RAD51B: variants seen among roughly 807,000 people sequenced by gnomAD.
RAD51B encodes the protein RAD51 paralog B.
Under a neutral mutation model 42.2 loss-of-function variants are expected in RAD51B, and 38 were observed. The ratio of observed to expected loss-of-function variants is 0.90; its 90% CI spans 0.70 to 1.18. The LOEUF is 1.18. RAD51B is among the 50% of genes most tolerant of loss of function. The pLI is 0.00. For missense variants in RAD51B, 373 were observed against 400.7 expected (o/e 0.93, Z 0.59); for synonymous variants, 154 against 145.2 (o/e 1.06, Z -0.43).
intron 7 of RAD51B, among the ~76,000 whole-genome samples, chr14:68,128,008 A>G (rs2077807681): frequency 6.6e-6 from 1 of 152,240 alleles, no homozygotes; most frequent in Admixed American, 6.5e-5. Flanking sequence ...TGAATGGAAC[A>G]TAAAAATGAA....
At chr14:68,672,189 T>G (rs1463729485) in intron 11 of RAD51B, among the ~76,000 whole-genome samples, 1 of 152,202 alleles carries the variant, frequency 6.6e-6, no homozygotes, top group African/African-American at 2.4e-5. Context: ...CTCCCCATCC[T>G]TCCCTCCTGT....
intron 7 of RAD51B, among the ~76,000 whole-genome samples, chr14:68,245,436 G>C (rs1359072124): frequency 6.6e-6 from 1 of 152,230 alleles, no homozygotes; most frequent in Admixed American, 6.5e-5. Context: ...GGTATGATCT[G>C]CTAGTGTGTG....
At chr14:67,923,161 G>T (rs1252395339) in intron 7 of RAD51B, among the ~76,000 whole-genome samples, 1 of 152,070 alleles carries the variant, frequency 6.6e-6, no homozygotes, top group African/African-American at 2.4e-5. Flanking sequence ...TAGAGTAACG[G>T]TCTCCAGTTC....
intron 7 of RAD51B, among the ~76,000 whole-genome samples, chr14:67,972,404 GACTTTAGAGGCGAC>G (rs2074916332): frequency 6.6e-6 from 1 of 152,078 alleles, no homozygotes; most frequent in South Asian, 2.1e-4. Context: ...GAAGGGCCTA[GACTTTAGAGGCGAC>G]AGGCTTATGG....
In RAD51B at chr14:68,468,278, T is replaced by G. The variant is rs142868205; in HGVS notation, c.1036+28T>G. 6.5e-4 allele frequency: 1,029 copies of G among 1,586,194 alleles called. 9 individuals are homozygous for G. The African/African-American group carries it at 0.013, about 19-fold the overall frequency. On this transcript the variant is annotated intron_variant, in intron 10 of 10. Transcript: ENST00000471583. ...AAGATCCTTGGATTAAGCCATTTCTTTAAGCTTATGCTCAGTGCTGCCCAT... is the reference window on the plus strand; with the variant it reads ...AAGATCCTTGGATTAAGCCATTTCTGTAAGCTTATGCTCAGTGCTGCCCAT...
intron 10 of RAD51B, among the ~76,000 whole-genome samples, chr14:68,623,013 T>C (rs1891989558): frequency 6.6e-6 from 1 of 152,172 alleles, no homozygotes; most frequent in Non-Finnish European, 1.5e-5. Context: ...TAATACTTCC[T>C]GTGCCCAGAT....
At chr14:68,046,864 C>T (rs1014699300) in intron 7 of RAD51B, among the ~76,000 whole-genome samples, 1 of 151,962 alleles carries the variant, frequency 6.6e-6, no homozygotes, top group African/African-American at 2.4e-5. Context: ...AAGGATATTG[C>T]ATTTCAGTGT....
chr14:67,958,882 C>G (rs1001026090), intron 7 of RAD51B, among the ~76,000 whole-genome samples: 2 of 152,196 alleles, frequency 1.3e-5, no homozygotes. Flanking sequence ...GTTCAAGATA[C>G]TACTGATAAG....
At chr14:67,928,436 T>G (rs900789846) in intron 7 of RAD51B, among the ~76,000 whole-genome samples, 3 of 152,078 alleles carry the variant, frequency 2.0e-5, no homozygotes, top group African/African-American at 7.2e-5. Flanking sequence ...GTTAGTTATA[T>G]TAGCAGGCTG....
chr14:68,144,228 T>A (rs2078203209), intron 7 of RAD51B, among the ~76,000 whole-genome samples: 1 of 152,212 alleles, frequency 6.6e-6, no homozygotes, highest in African/African-American at 2.4e-5. Context: ...TAGCCCCAGC[T>A]GTTGGAGAAC....
chr14:68,650,634 T>A, intron 10 of RAD51B: 1 of 596,424 alleles, frequency 1.7e-6, no homozygotes, highest in South Asian at 2.1e-5. Flanking sequence ...AGGCCCATAC[T>A]GTTGTGTTTA....
At chr14:68,245,048 A>C (rs1566755194) in intron 7 of RAD51B, among the ~76,000 whole-genome samples, 1 of 152,336 alleles carries the variant, frequency 6.6e-6, no homozygotes, top group East Asian at 1.9e-4. Context: ...ATTGATACCA[A>C]GGTGAAAACA....
intron 8 of RAD51B, among the ~76,000 whole-genome samples, chr14:68,374,578 G>A (rs910001464): frequency 6.6e-6 from 1 of 151,894 alleles, no homozygotes; most frequent in African/African-American, 2.4e-5. Flanking sequence ...CACCTTTATA[G>A]CCCTAACCAC....
At chr14:68,399,787 T>C (rs1311261763) in intron 8 of RAD51B, among the ~76,000 whole-genome samples, 1 of 152,210 alleles carries the variant, frequency 6.6e-6, no homozygotes, top group African/African-American at 2.4e-5. Context: ...GAAATTAGTA[T>C]TGATACAATA....
At chr14:68,271,727 C>T (rs900410468) in intron 7 of RAD51B, among the ~76,000 whole-genome samples, 2 of 152,184 alleles carry the variant, frequency 1.3e-5, no homozygotes, top group African/African-American at 4.8e-5. Context: ...AGGAGGTAAT[C>T]TCTGCGTAGT....
At chr14:68,028,479 G>T (rs901008780) in intron 7 of RAD51B, among the ~76,000 whole-genome samples, 1 of 152,202 alleles carries the variant, frequency 6.6e-6, no homozygotes, top group African/African-American at 2.4e-5. Flanking sequence ...TGCTCTGTGA[G>T]TATGGGCTCC....
chr14:68,303,793 G>A (rs557833850), intron 8 of RAD51B, among the ~76,000 whole-genome samples: 6 of 152,242 alleles, frequency 3.9e-5, no homozygotes, highest in South Asian at 2.1e-4. Context: ...TTATCAAGGC[G>A]CCTAACAGTT....
intron 7 of RAD51B, among the ~76,000 whole-genome samples, chr14:67,959,469 G>A (rs1042373698): frequency 3.3e-5 from 5 of 152,048 alleles, no homozygotes; most frequent in South Asian, 2.1e-4. Context: ...GGATGGTCTC[G>A]ATCTCCTGAC....
At chr14:68,600,949 C>T (rs1891192083), downstream of RAD51B, among the ~76,000 whole-genome samples, 1 of 152,026 alleles carries the variant, frequency 6.6e-6, no homozygotes, top group Non-Finnish European at 1.5e-5. Flanking sequence ...CTTTACAGCT[C>T]TAGAGAATTC....
Sources: gnomAD v4.1 joint callset for allele counts (sites outside exome capture counted in the v4.1 genomes callset) on GRCh38, gnomAD v4.1.1 for gene constraint, MANE v1.5 for transcripts, NCBI Gene and HGNC (gene_info 2026-07-23, HGNC 2026-07-21) for gene names.